Variants in C1QTNF3 observed in about 807,000 individuals in gnomAD.
C1QTNF3 encodes the protein complement C1q tumor necrosis factor-related protein 3.
A neutral mutation model predicts 32.6 loss-of-function variants in C1QTNF3; 26 were observed. The ratio of observed to expected loss-of-function variants is 0.80; its 90% CI spans 0.58 to 1.11. The LOEUF (loss-of-function observed/expected upper bound fraction) is 1.11, where lower values mean the gene tolerates loss of function less well. Ranked by LOEUF, C1QTNF3 falls within the 50% of genes least tolerant of loss-of-function variation. The probability of loss-of-function intolerance (pLI) is 0.00; values close to 1 mark genes in which losing one functional copy is unlikely to be tolerated. For synonymous variants in C1QTNF3, 155 were observed against 146.0 expected (o/e 1.06, Z -0.44); for missense variants, 362 against 398.2 (o/e 0.91, Z 0.77).
chr5:34,055,022 G>C, the C1QTNF3 span, among the ~76,000 whole-genome samples: 1 of 152,168 alleles, frequency 6.6e-6, no homozygotes, highest in South Asian at 2.1e-4. Flanking sequence ...GAATTGACTG[G>C]CAGCTAAAGG....
At chr5:34,145,717 G>A in the C1QTNF3 span, among the ~76,000 whole-genome samples, 148 of 141,990 alleles carry the variant, frequency 1.0e-3, no homozygotes, top group Middle Eastern at 3.7e-3. Context: ...AAAACTTCCC[G>A]CCAGTATCCC....
the C1QTNF3 span, among the ~76,000 whole-genome samples, chr5:34,142,103 C>T: frequency 1.3e-5 from 2 of 152,126 alleles, no homozygotes; most frequent in African/African-American, 4.8e-5. Flanking sequence ...CAGCATCTGC[C>T]CAAAGGAGCC....
At chr5:34,210,396 T>C in the C1QTNF3 span, among the ~76,000 whole-genome samples, 1 of 152,082 alleles carries the variant, frequency 6.6e-6, no homozygotes, top group South Asian at 2.1e-4. Flanking sequence ...TATTTATTCA[T>C]TTTTGTAATA....
At chr5:34,083,272 C>A in the C1QTNF3 span, among the ~76,000 whole-genome samples, 1 of 151,492 alleles carries the variant, frequency 6.6e-6, no homozygotes. Flanking sequence ...ACAGAATAAT[C>A]TGCCTTGACA....
At chr5:34,073,995 G>C in the C1QTNF3 span, among the ~76,000 whole-genome samples, 1 of 152,020 alleles carries the variant, frequency 6.6e-6, no homozygotes, top group Non-Finnish European at 1.5e-5. Context: ...TCGATAAATT[G>C]GCACACTATG....
the C1QTNF3 span, among the ~76,000 whole-genome samples, chr5:34,178,166 A>C: frequency 6.6e-6 from 1 of 150,810 alleles, no homozygotes; most frequent in South Asian, 2.1e-4. Context: ...CTGTAATCCA[A>C]GCTACTTGGG....
chr5:34,055,952 C>T, the C1QTNF3 span, among the ~76,000 whole-genome samples: 1 of 152,168 alleles, frequency 6.6e-6, no homozygotes, highest in Non-Finnish European at 1.5e-5. Context: ...AAAATCTGGA[C>T]CCTCTCTTTA....
chr5:34,093,844 C>T, the C1QTNF3 span, among the ~76,000 whole-genome samples: 7 of 152,184 alleles, frequency 4.6e-5, no homozygotes, highest in Admixed American at 3.9e-4. Context: ...CGGGGTTAGC[C>T]ATATTGGGAA....
chr5:34,178,184 T>A, the C1QTNF3 span, among the ~76,000 whole-genome samples: 1 of 150,090 alleles, frequency 6.7e-6, no homozygotes, highest in Non-Finnish European at 1.5e-5. Flanking sequence ...GGGAGGCTGA[T>A]GCAGGAGAAT....
chr5:34,207,294 G>A, the C1QTNF3 span, among the ~76,000 whole-genome samples: 5 of 144,372 alleles, frequency 3.5e-5, no homozygotes, highest in African/African-American at 7.9e-5. Flanking sequence ...ATATATATAT[G>A]TATATACTTT....
the C1QTNF3 span, chr5:34,200,736 C>T: frequency 3.3e-5 from 5 of 152,122 alleles, no homozygotes; most frequent in African/African-American, 1.2e-4. Context: ...TCAATCTCTA[C>T]ATTCTGATCA....
chr5:34,100,815 A>C, the C1QTNF3 span, among the ~76,000 whole-genome samples: 2 of 150,784 alleles, frequency 1.3e-5, no homozygotes, highest in African/African-American at 4.9e-5. Flanking sequence ...GAGTTACAAA[A>C]AATTTTAAAG....
At chr5:34,232,166 T>A in the C1QTNF3 span, among the ~76,000 whole-genome samples, 6 of 151,514 alleles carry the variant, frequency 4.0e-5, no homozygotes, top group African/African-American at 1.5e-4. Context: ...ACCCTTTGTT[T>A]TGGCTAATTT....
the C1QTNF3 span, chr5:34,167,356 C>T: frequency 6.6e-6 from 1 of 152,128 alleles, no homozygotes; most frequent in African/African-American, 2.4e-5. Context: ...ATTCATCTTT[C>T]GACATCTATT....
At chr5:34,030,378 T>C (rs1754582570) in intron 3 of C1QTNF3, among the ~76,000 whole-genome samples, 1 of 152,246 alleles carries the variant, frequency 6.6e-6, no homozygotes, top group South Asian at 2.1e-4. Context: ...GGAATAAGGC[T>C]GTCTATTTGG....
chr5:34,050,280 G>A, the C1QTNF3 span, among the ~76,000 whole-genome samples: 1 of 152,084 alleles, frequency 6.6e-6, no homozygotes, highest in Non-Finnish European at 1.5e-5. Context: ...TCCTTCTCAT[G>A]TGCGCCTCTC....
the C1QTNF3 span, among the ~76,000 whole-genome samples, chr5:34,088,722 G>A: frequency 6.6e-6 from 1 of 152,212 alleles, no homozygotes; most frequent in Admixed American, 6.5e-5. Flanking sequence ...GTGTTGCCAA[G>A]GCGGGTCTGG....
chr5:34,107,860 A>ATTTTT, the C1QTNF3 span, among the ~76,000 whole-genome samples: 1 of 152,050 alleles, frequency 6.6e-6, no homozygotes, highest in Non-Finnish European at 1.5e-5. Context: ...ACCAGCACAA[A>ATTTTT]ATACTCAAGA....
chr5:34,083,328 TA>T, the C1QTNF3 span, among the ~76,000 whole-genome samples: 1 of 151,800 alleles, frequency 6.6e-6, no homozygotes. Context: ...CATGGAAGAC[TA>T]AATTAAAAAC....
Sources: allele counts gnomAD v4.1 joint callset (sites outside exome capture counted in the v4.1 genomes callset), GRCh38; gene constraint gnomAD v4.1.1; transcripts MANE v1.5; gene names NCBI Gene and HGNC (gene_info 2026-07-23, HGNC 2026-07-21).